Variants in P3H3 observed in about 807,000 individuals in gnomAD.
P3H3 encodes gene rich cluster, B.
Under a neutral mutation model 78.1 loss-of-function variants are expected in P3H3, and 64 were observed. The ratio of observed to expected loss-of-function variants is 0.82; its 90% confidence interval spans 0.67 to 1.01. The LOEUF (loss-of-function observed/expected upper bound fraction) is 1.01. P3H3 is among the 50% of genes least tolerant of loss of function. P3H3 has a pLI of 0.00. For missense variants in P3H3, 975 were observed against 982.2 expected (o/e 0.99, Z 0.10); for synonymous variants, 425 against 416.7 (o/e 1.02, Z -0.24).
Position 6,829,689 on chromosome 12 carries a change from C to T in P3H3, c.499-170C>T, listed in dbSNP as rs1943426001. 3.7e-5 allele frequency: 25 copies of T among 680,174 alleles called. No homozygotes were observed. The highest frequency in any genetic ancestry group is 3.9e-4 in the Middle Eastern group (1 of 2,586). 42.1% of individuals were successfully genotyped at this position (680,174 alleles called of 1,614,324 possible). On this transcript the variant is annotated intron_variant, in intron 1 of 14. Coordinates refer to ENST00000290510, the MANE Select transcript of P3H3 (RefSeq NM_014262.5). This position sits in a 1 kb window ranked among gnomAD's most constrained non-coding sequence, Gnocchi z 5.1. ...CTTCTGAGAGTCCCAACGTTCTGGC[C>T]TCTAGGGGATCTGCAGTTCGGGCGG...
In P3H3 at chr12:6,831,696, C is replaced by T. The variant is rs1033152239; in HGVS notation, c.1123-129C>T. 4 of 717,894 alleles carry T rather than the reference C, an allele frequency of 5.6e-6. No homozygotes were observed. The highest frequency in any genetic ancestry group is 3.5e-5 in the African/African-American group (2 of 56,438). 44.5% of individuals were successfully genotyped at this position (717,894 alleles called of 1,614,324 possible). On this transcript the variant is annotated intron_variant, in intron 5 of 14. Coordinates refer to ENST00000290510, the MANE Select transcript of P3H3 (RefSeq NM_014262.5). This position sits in a 1 kb window ranked among gnomAD's most constrained non-coding sequence, Gnocchi z 4.6. ...ATGCTCTGAAGCTGCTGAGGGGGAA[C>T]GTTGAACAGAGGAACCGGGGGGCAT...
rs1943425350 is a variant in P3H3, at chr12:6,829,588, T to C, written c.499-271T>C. On this transcript the variant is annotated intron_variant, in intron 1 of 14. Coordinates refer to ENST00000290510, the MANE Select transcript of P3H3 (RefSeq NM_014262.5). This position sits in a 1 kb window ranked among gnomAD's most constrained non-coding sequence, Gnocchi z 5.1. ...CATCACTTCCACCTGGTCTCCCAAA[T>C]TGAGGTCCTGAAGTCCTGAGACCCA... The C allele has an allele frequency of 2.2e-6, 1 of 463,582 alleles. No homozygotes were observed. Among genetic ancestry groups the C allele is most frequent in the East Asian group, 4.3e-5 (1 of 23,352 alleles). The allele number at this position is 463,582 out of a possible 1,614,324, so 28.7% of individuals were successfully genotyped here.
chr12:6,837,863 C>G lies in P3H3; in HGVS notation c.1829+14C>G, dbSNP rs368255790. ...TCGGGACTACAGGTGGGCAGCCCCTCTAGTGGTCAGGCAGGTGGGCAGACA... is the reference window on the plus strand; with the variant it reads ...TCGGGACTACAGGTGGGCAGCCCCTGTAGTGGTCAGGCAGGTGGGCAGACA... On this transcript the variant is annotated intron_variant, in intron 12 of 14. Transcript: ENST00000290510. 187 of 1,602,090 alleles carry G rather than the reference C, an allele frequency of 1.2e-4. 1 individual carries two copies. Among genetic ancestry groups the G allele is most frequent in the Non-Finnish European group, 1.6e-4 (183 of 1,174,280 alleles).
intron 6 of P3H3, among the ~76,000 whole-genome samples, chr12:6,833,177 A>T (rs937592362): frequency 7.2e-5 from 11 of 151,748 alleles, no homozygotes; most frequent in Non-Finnish European, 1.6e-4. Flanking sequence ...TCCGTCTCAA[A>T]AAAACAAAAA....
rs781911424 is a variant in P3H3 at position 6,839,081 on chromosome 12, C to G, written c.1987C>G (p.Arg663Gly). The change falls in exon 14 of 15, where the codon CGG (arginine) becomes GGG (glycine). Residue 663 changes from arginine to glycine, a missense_variant. By Grantham distance (125) the Arg-to-Gly change is moderately radical. Coordinates refer to ENST00000290510, the MANE Select transcript of P3H3 (RefSeq NM_014262.5). ...ENPHGVWAVT[R>G]GRRCALALWH... The stretch of plus-strand genomic sequence containing the variant: ...TCCCCATGGGGTGTGGGCCGTGACT[C>G]GGGGACGGCGCTGTGCCCTGGCACT... The G allele has an allele frequency of 6.2e-7, 1 of 1,611,296 alleles. No homozygotes were observed. Among genetic ancestry groups the G allele is most frequent in the Non-Finnish European group, 8.5e-7 (1 of 1,179,460 alleles).
intron 7 of P3H3, 22 bp downstream of exon 7, chr12:6,833,666 G>A (rs781821847): frequency 2.5e-6 from 4 of 1,611,766 alleles, no homozygotes; most frequent in Non-Finnish European, 3.4e-6. Context: ...CCCATGGTGG[G>A]AGGGGCTTGG....
At position 6,828,760 on chromosome 12, in the gene P3H3, A is replaced by T. The variant is rs1404772376; in HGVS notation, c.320A>T (p.Gln107Leu). The change falls in exon 1 of 15, where the codon CAG (glutamine) becomes CTG (leucine). Residue 107 changes from glutamine to leucine, a missense_variant. Physicochemically the swap from Gln to Leu is moderately radical, Grantham distance 113 (BLOSUM62 -2). Coordinates refer to ENST00000290510, the MANE Select transcript of P3H3 (RefSeq NM_014262.5). Reference protein sequence around the residue: ...PEPDSGPGPTQGSWERQLLRA... With the variant: ...PEPDSGPGPTLGSWERQLLRA... ...CCCGACTCCGGGCCGGGACCCACGCAGGGGTCCTGGGAGCGACAGCTTCTC... is the reference window on the plus strand; with the variant it reads ...CCCGACTCCGGGCCGGGACCCACGCTGGGGTCCTGGGAGCGACAGCTTCTC... The T allele has an allele frequency of 1.6e-6, 2 of 1,243,838 alleles. No homozygotes were observed. Among genetic ancestry groups the T allele is most frequent in the Non-Finnish European group, 2.0e-6 (2 of 994,044 alleles). The allele number at this position is 1,243,838 out of a possible 1,614,324, so 77.1% of individuals were successfully genotyped here.
Position 6,839,072 on chromosome 12 carries a change from G to A in P3H3, c.1978G>A (p.Ala660Thr). ...SGVENPHGVW[A>T]VTRGRRCALA... The stretch of plus-strand genomic sequence containing the variant: ...TGTCGAGAATCCCCATGGGGTGTGG[G>A]CCGTGACTCGGGGACGGCGCTGTGC... Residue 660 changes from alanine (A) to threonine (T), a missense_variant, in exon 14 of 15, where the codon GCC becomes ACC. Physicochemically the swap from Ala to Thr is moderately conservative, Grantham distance 58. Coordinates refer to ENST00000290510, the MANE Select transcript of P3H3 (RefSeq NM_014262.5). 1 of 1,611,930 alleles carries A rather than the reference G, an allele frequency of 6.2e-7. No individual in the cohort carries two copies. The highest frequency in any genetic ancestry group is 1.1e-5 in the South Asian group (1 of 90,952).
intron 6 of P3H3, 117 bp downstream of exon 6, chr12:6,832,031 TC>T: frequency 1.5e-6 from 1 of 671,656 alleles, no homozygotes; most frequent in Non-Finnish European, 2.6e-6. Context: ...GAGTCTGCCA[TC>T]CCAGTTTTAC....
At position 6,831,431 on chromosome 12, in the gene P3H3, C is replaced by T; in HGVS notation, c.1122+79C>T. On this transcript the variant is annotated intron_variant, in intron 5 of 14. Coordinates refer to ENST00000290510, the MANE Select transcript of P3H3 (RefSeq NM_014262.5). The surrounding 1 kb of genome is among the most constrained non-coding windows in gnomAD (Gnocchi z 4.6). Reference sequence around the variant, plus strand: ...CCTGAGAAGTAACCTGGACCCCCACCCCCCGCTGGCCTCTTACCCGAGCAC... The same window carrying T: ...CCTGAGAAGTAACCTGGACCCCCACTCCCCGCTGGCCTCTTACCCGAGCAC... 1 of 1,567,998 alleles carries T rather than the reference C, an allele frequency of 6.4e-7. No homozygotes were observed.
intron 10 of P3H3, 73 bp from the exon 11 acceptor site, chr12:6,837,349 TG>T: frequency 6.5e-7 from 1 of 1,532,352 alleles, no homozygotes; most frequent in Non-Finnish European, 8.8e-7. Flanking sequence ...GCGGCAGAGT[TG>T]GGCAGGGGCT....
rs1281224564 is a variant in P3H3, at chr12:6,831,878, T to C, written c.1176T>C (p.Tyr392=). 1.2e-6 allele frequency: 2 copies of C among 1,608,440 alleles called. No individual in the cohort carries two copies. Among genetic ancestry groups the C allele is most frequent in the Non-Finnish European group, 1.7e-6 (2 of 1,176,870 alleles). The part of the protein sequence containing the change: ...RSLGEKRQLY[Y]AMEHLGTSFK... ...TGGGGGAGAAGAGGCAGCTCTACTATGCCATGGAGCACCTGGGGACCAGCT... is the reference window on the plus strand; with the variant it reads ...TGGGGGAGAAGAGGCAGCTCTACTACGCCATGGAGCACCTGGGGACCAGCT... Residue 392 remains tyrosine (Y), a synonymous_variant, in exon 6 of 15, where the codon TAT becomes TAC. Coordinates refer to ENST00000290510, the MANE Select transcript of P3H3 (RefSeq NM_014262.5). The surrounding 1 kb of genome is among the most constrained non-coding windows in gnomAD (Gnocchi z 4.6).
chr12:6,838,101 A>T, intron 13 of P3H3, 68 bp downstream of exon 13: 1 of 1,546,850 alleles, frequency 6.5e-7, no homozygotes, highest in Non-Finnish European at 8.8e-7. Context: ...TCAAAACAGA[A>T]GGCTCCAGAG....
chr12:6,832,298 G>A (rs1408470199), intron 6 of P3H3, among the ~76,000 whole-genome samples: 1 of 152,228 alleles, frequency 6.6e-6, no homozygotes, highest in Admixed American at 6.5e-5. Context: ...GCGGGGCGGA[G>A]GTTATCTATG....
rs781804960 is a variant in P3H3 at position 6,837,411 on chromosome 12, C to T, written c.1561-12C>T. On this transcript the variant is annotated splice_polypyrimidine_tract_variant and intron_variant, in intron 10 of 14. Transcript: ENST00000290510. ...CTTCCTCCTTTTCTGCCCTGCCTTTCACTGCCTGCAGCTGGCCCGGGCTGG... is the reference window on the plus strand; with the variant it reads ...CTTCCTCCTTTTCTGCCCTGCCTTTTACTGCCTGCAGCTGGCCCGGGCTGG... 4 of 1,606,080 alleles carry T rather than the reference C, an allele frequency of 2.5e-6. No individual in the cohort carries two copies. The highest frequency in any genetic ancestry group is 3.4e-5 in the Admixed American group (2 of 58,834).
Position 6,828,952 on chromosome 12 carries a change from CG to C in P3H3, c.498+17del. 8.2e-7 allele frequency: 1 copy of C among 1,217,410 alleles called. No homozygotes were observed. Among genetic ancestry groups the C allele is most frequent in the African/African-American group, 1.6e-5 (1 of 64,094 alleles). The allele number at this position is 1,217,410 out of a possible 1,614,324, so 75.4% of individuals were successfully genotyped here. ...GCCTATTACCAGGTGGGGAGCGGGCCGGGCAGCTCCGAGGGTCCCAGCCCTC... is the reference window on the plus strand; with the variant it reads ...GCCTATTACCAGGTGGGGAGCGGGCCGGCAGCTCCGAGGGTCCCAGCCCTC... On this transcript the variant is annotated intron_variant, in intron 1 of 14. Transcript: ENST00000290510.
At chr12:6,830,161 C>A in intron 2 of P3H3, 150 bp downstream of exon 2, 1 of 1,122,272 alleles carries the variant, frequency 8.9e-7, no homozygotes. Context: ...TCTAGGACTT[C>A]GTTTCCTTCC....
rs368445466 is a variant in P3H3 at position 6,832,736 on chromosome 12, G to A, written c.1212+822G>A. On this transcript the variant is annotated intron_variant, in intron 6 of 14. Coordinates refer to ENST00000290510, the MANE Select transcript of P3H3 (RefSeq NM_014262.5). ...TCTGCCTCAGCCTCCTGAGTAGCTGGGATTACAGGTGCCCGCCATCTTGCC... is the reference window on the plus strand; with the variant it reads ...TCTGCCTCAGCCTCCTGAGTAGCTGAGATTACAGGTGCCCGCCATCTTGCC... Among the ~76,000 whole-genome samples the A allele has an allele frequency of 2.6e-3, 398 of 151,872 alleles. 1 individual carries two copies. The highest frequency in any genetic ancestry group is 8.5e-3 in the African/African-American group (353 of 41,434).
chr12:6,834,083 A>T (rs782164178), intron 9 of P3H3, 34 bp downstream of exon 9: 1 of 1,611,258 alleles, frequency 6.2e-7, no homozygotes, highest in South Asian at 1.1e-5. Context: ...AGCTCGTTCA[A>T]GACTCTTGGA....
Sources: gnomAD v4.1 joint callset for allele counts (sites outside exome capture counted in the v4.1 genomes callset) on GRCh38, gnomAD v4.1.1 for gene constraint, Gnocchi (gnomAD v3.1) non-coding constraint, MANE v1.5 for transcripts, NCBI Gene and HGNC (gene_info 2026-07-23, HGNC 2026-07-21) for gene names.